The following ZFHX3 variants were observed in gnomAD, a reference collection of about 807,000 sequenced individuals.
ZFHX3 encodes the protein zinc finger homeobox protein 3.
ZFHX3 carries 42 observed loss-of-function variants against 279.1 expected under a neutral mutation model. That is an observed-to-expected ratio of 0.15 (90% confidence interval 0.12 to 0.19). The LOEUF is 0.19. Among genes scored for constraint, ZFHX3 ranks in the 10% least tolerant of loss-of-function variants. The pLI is 1.00. For synonymous variants in ZFHX3, 2,293 were observed against 1,957.8 expected, an observed-to-expected ratio of 1.17 and a Z score of -4.52; for missense variants, 4,981 against 4,754.0, an observed-to-expected ratio of 1.05 and a Z score of -1.40.
At chr16:73,004,291 C>T (rs1180942640) in intron 1 of ZFHX3, among the ~76,000 whole-genome samples, 6 of 139,684 alleles carry the variant, frequency 4.3e-5, no homozygotes, top group Non-Finnish European at 6.1e-5. Flanking sequence ...TGTGCCTGGC[C>T]TCCATTTTTC....
In ZFHX3 at chr16:72,793,674, T is replaced by A; in HGVS notation, c.9008A>T (p.Lys3003Met). 1 of 1,614,166 alleles carries A rather than the reference T, an allele frequency of 6.2e-7. No individual in the cohort carries two copies. Among genetic ancestry groups the A allele is most frequent in the Non-Finnish European group, 8.5e-7 (1 of 1,180,018 alleles). ...WFQNARAKEK[K>M]SKLSMAKHFG... ...ATGCTTGGCCATGCTTAACTTGGAC[T>A]TCTTTTCTTTTGCCCGGGCATTCTG... Residue 3003 changes from lysine (K) to methionine (M), a missense_variant, in exon 9 of 10, where the codon AAG becomes ATG. Transcript: ENST00000268489. The surrounding 1 kb of genome is among the most constrained non-coding windows in gnomAD (Gnocchi z 4.3).
At chr16:72,957,356 CT>C in intron 2 of ZFHX3, 70 bp downstream of exon 2, 1 of 1,515,002 alleles carries the variant, frequency 6.6e-7, no homozygotes, top group Non-Finnish European at 8.9e-7. Flanking sequence ...ACAGGACTAT[CT>C]CACCCTATTC....
intron 4 of ZFHX3, among the ~76,000 whole-genome samples, chr16:73,276,286 C>A (rs71388964): frequency 0.21 from 31,008 of 151,178 alleles, 3,929 homozygotes; most frequent in East Asian, 0.41. Context: ...CGGGTTCAAG[C>A]GATTCTCTTG....
chr16:73,784,129 G>T (rs776351132), intron 1 of ZFHX3, among the ~76,000 whole-genome samples: 23 of 149,200 alleles, frequency 1.5e-4, no homozygotes, highest in Non-Finnish European at 3.1e-4. Flanking sequence ...GCAAAAAAAA[G>T]AAAAAAAAAG....
intron 1 of ZFHX3, among the ~76,000 whole-genome samples, chr16:73,870,762 T>C (rs1464279859): frequency 6.6e-6 from 1 of 152,112 alleles, no homozygotes; most frequent in African/African-American, 2.4e-5. Flanking sequence ...CAGCACCTGC[T>C]CTCCCTGTAT....
chr16:73,567,470 C>A (rs1317603395), intron 2 of ZFHX3, among the ~76,000 whole-genome samples: 1 of 152,214 alleles, frequency 6.6e-6, no homozygotes, highest in Non-Finnish European at 1.5e-5. Context: ...GTTGGGACAT[C>A]CTGCCAGTGC....
chr16:73,049,881 A>G (rs1031030392), upstream of ZFHX3, among the ~76,000 whole-genome samples: 2 of 152,204 alleles, frequency 1.3e-5, no homozygotes, highest in Admixed American at 6.5e-5. Context: ...AGAACACCTT[A>G]AAGAAAACAA....
rs1183528189 is a variant in ZFHX3 at position 73,844,607 on chromosome 16, AGGGATGGG to A, written c.-1608+47036_-1608+47043del. On this transcript the variant is annotated intron_variant, in intron 1 of 17. Coordinates refer to the ZFHX3 transcript ENST00000641206. Reference sequence around the variant, plus strand: ...AGATGATAAATAACATGCTCGAGGGAGGGATGGGGGGATGGGAAGATGGGTAGAGGGAT... The same window carrying A: ...AGATGATAAATAACATGCTCGAGGGAGGGATGGGAAGATGGGTAGAGGGAT... Among the ~76,000 whole-genome samples, 3 of 152,008 alleles carry A rather than the reference AGGGATGGG, an allele frequency of 2.0e-5. No individual in the cohort carries two copies. In the East Asian group the frequency reaches 5.8e-4, roughly 29 times the overall value.
intron 2 of ZFHX3, among the ~76,000 whole-genome samples, chr16:73,626,356 A>G (rs2052416601): frequency 1.3e-5 from 2 of 151,998 alleles, no homozygotes; most frequent in African/African-American, 2.4e-5. Flanking sequence ...CCTTGAATCC[A>G]TGTGTGCCCC....
At chr16:73,633,897 CA>C (rs969682946) in intron 2 of ZFHX3, among the ~76,000 whole-genome samples, 381 of 114,524 alleles carry the variant, frequency 3.3e-3, no homozygotes, top group Middle Eastern at 0.019. Context: ...GACTCCATCA[CA>C]AAAAAAAAAA....
chr16:73,127,473 A>G, intron 7 of ZFHX3: 1 of 1,305,468 alleles, frequency 7.7e-7, no homozygotes, highest in Non-Finnish European at 1.0e-6. Context: ...CCGGGCATCG[A>G]CAGGCAAGAT....
chr16:73,330,205 G>A (rs903896368), intron 3 of ZFHX3, among the ~76,000 whole-genome samples: 1 of 152,172 alleles, frequency 6.6e-6, no homozygotes, highest in African/African-American at 2.4e-5. Flanking sequence ...TGCTAGACAA[G>A]GGAAATAGCC....
chr16:73,264,027 C>A (rs10221127), intron 4 of ZFHX3, among the ~76,000 whole-genome samples: 44,958 of 151,956 alleles, frequency 0.3, 7,423 homozygotes, highest in Non-Finnish European at 0.39. Context: ...ATCAGCCAGG[C>A]GTGGTGGCAG....
chr16:73,853,777 G>C (rs1376939784), intron 1 of ZFHX3, among the ~76,000 whole-genome samples: 2 of 152,124 alleles, frequency 1.3e-5, no homozygotes, highest in African/African-American at 4.8e-5. Context: ...ATCCCCACCA[G>C]TATGCAATAT....
At chr16:73,458,781 C>T (rs571132552) in intron 2 of ZFHX3, among the ~76,000 whole-genome samples, 9 of 152,146 alleles carry the variant, frequency 5.9e-5, no homozygotes, top group Admixed American at 5.2e-4. Context: ...AAATGATTTC[C>T]GATTGTCTGC....
chr16:72,981,500 G>A (rs1962598630), intron 1 of ZFHX3, among the ~76,000 whole-genome samples: 1 of 152,218 alleles, frequency 6.6e-6, no homozygotes, highest in South Asian at 2.1e-4. Context: ...AAAATCAGAT[G>A]TTTACCAGCC....
chr16:73,207,522 C>G (rs996954727), intron 5 of ZFHX3, among the ~76,000 whole-genome samples: 1 of 152,108 alleles, frequency 6.6e-6, no homozygotes, highest in Non-Finnish European at 1.5e-5. Context: ...ACAGCAGTAC[C>G]CCTTGGGCCA....
At chr16:73,364,294 G>C (rs1338940205) in intron 3 of ZFHX3, among the ~76,000 whole-genome samples, 1 of 151,116 alleles carries the variant, frequency 6.6e-6, no homozygotes, top group African/African-American at 2.4e-5. Flanking sequence ...TTTCTGACTG[G>C]TGTCTTTAAT....
At chr16:73,238,947 T>G (rs1012641206) in intron 5 of ZFHX3, among the ~76,000 whole-genome samples, 20 of 152,062 alleles carry the variant, frequency 1.3e-4, no homozygotes, top group African/African-American at 2.4e-5. Context: ...CCATGCTGGG[T>G]TACGTGCTAC....
Sources: gnomAD v4.1 joint callset for allele counts (sites outside exome capture counted in the v4.1 genomes callset) on GRCh38, gnomAD v4.1.1 for gene constraint, Gnocchi (gnomAD v3.1) non-coding constraint, MANE v1.5 for transcripts, NCBI Gene and HGNC (gene_info 2026-07-23, HGNC 2026-07-21) for gene names.